SYT1: variants seen among roughly 807,000 people sequenced by gnomAD.
SYT1 encodes synaptotagmin 1.
Under a neutral mutation model 44.8 loss-of-function variants are expected in SYT1, and 8 were observed. That is an observed-to-expected ratio of 0.18 (90% CI 0.10 to 0.32). SYT1 has a LOEUF of 0.32. Ranked by LOEUF, SYT1 falls within the 10% of genes least tolerant of loss-of-function variation. SYT1 has a pLI of 1.00. For synonymous variants in SYT1, 154 were observed against 188.8 expected (o/e 0.82, Z 1.51); for missense variants, 286 against 509.3 (o/e 0.56, Z 4.22).
chr12:78,880,927 T>C (rs1031745454), intron 1 of SYT1, among the ~76,000 whole-genome samples: 13 of 151,632 alleles, frequency 8.6e-5, no homozygotes, highest in Non-Finnish European at 1.5e-4. Flanking sequence ...TCCTAACTAT[T>C]GCTAATTTGT....
chr12:78,907,905 G>A (rs1408428187), intron 1 of SYT1, among the ~76,000 whole-genome samples: 1 of 151,910 alleles, frequency 6.6e-6, no homozygotes, highest in Non-Finnish European at 1.5e-5. Flanking sequence ...ATACTTTGAA[G>A]GTAATGAGTA....
intron 4 of SYT1, among the ~76,000 whole-genome samples, chr12:79,241,770 A>T (rs1876528614): frequency 6.6e-6 from 1 of 152,246 alleles, no homozygotes. Context: ...TTCAAGTCCT[A>T]ACCCTTGGTA....
intron 3 of SYT1, among the ~76,000 whole-genome samples, chr12:79,191,537 G>A (rs1873124450): frequency 1.3e-5 from 2 of 152,184 alleles, no homozygotes; most frequent in South Asian, 4.2e-4. Flanking sequence ...GTTTTTAGTT[G>A]CTATGCAATT....
chr12:78,929,527 T>A (rs1356371999), intron 1 of SYT1, among the ~76,000 whole-genome samples: 1 of 150,448 alleles, frequency 6.6e-6, no homozygotes, highest in East Asian at 1.9e-4. Flanking sequence ...ACAATTTATG[T>A]AGTGTTTGAA....
At chr12:79,273,188 C>T (rs1201255626) in intron 4 of SYT1, among the ~76,000 whole-genome samples, 1 of 150,338 alleles carries the variant, frequency 6.7e-6, no homozygotes, top group African/African-American at 2.5e-5. Flanking sequence ...ACAATCATAG[C>T]TCATGGCAGG....
At chr12:79,020,864 C>T (rs1006521205) in intron 2 of SYT1, among the ~76,000 whole-genome samples, 1 of 151,892 alleles carries the variant, frequency 6.6e-6, no homozygotes, top group Non-Finnish European at 1.5e-5. Flanking sequence ...AAAGTAAAAA[C>T]ACAGTGTGAT....
intron 1 of SYT1, among the ~76,000 whole-genome samples, chr12:78,902,542 A>G (rs1269764272): frequency 6.6e-6 from 1 of 152,154 alleles, no homozygotes; most frequent in Non-Finnish European, 1.5e-5. Context: ...ATAATTTGTC[A>G]GTAATAACAG....
At chr12:79,294,975 T>C (rs1879808948) in intron 6 of SYT1, among the ~76,000 whole-genome samples, 1 of 152,100 alleles carries the variant, frequency 6.6e-6, no homozygotes, top group South Asian at 2.1e-4. Flanking sequence ...TTGAGCCACC[T>C]AGCCAAAATG....
chr12:79,439,955 A>G (rs143067577), intron 9 of SYT1, among the ~76,000 whole-genome samples: 538 of 152,186 alleles, frequency 3.5e-3, no homozygotes, highest in African/African-American at 0.012. Flanking sequence ...GCTGGGCACA[A>G]TGGCTCACTT....
At chr12:79,191,464 G>A (rs994116505) in intron 3 of SYT1, among the ~76,000 whole-genome samples, 2 of 152,038 alleles carry the variant, frequency 1.3e-5, no homozygotes, top group African/African-American at 4.8e-5. Context: ...AATAAAAATA[G>A]GCAAAGCCTT....
At chr12:79,027,276 T>C (rs2137654161) in intron 2 of SYT1, among the ~76,000 whole-genome samples, 1 of 151,586 alleles carries the variant, frequency 6.6e-6, no homozygotes, top group Non-Finnish European at 1.5e-5. Flanking sequence ...TAGGCTCTCC[T>C]CCCTGTCTCC....
chr12:78,927,144 T>C (rs968973525), intron 1 of SYT1, among the ~76,000 whole-genome samples: 1 of 152,144 alleles, frequency 6.6e-6, no homozygotes, highest in African/African-American at 2.4e-5. Context: ...CTCTCCATGC[T>C]GTGGCTAGGG....
chr12:79,103,520 T>C (rs1284827245), intron 3 of SYT1, among the ~76,000 whole-genome samples: 1 of 152,038 alleles, frequency 6.6e-6, no homozygotes, highest in Admixed American at 6.5e-5. Flanking sequence ...TTTAAAAAAC[T>C]GACCTGGCAG....
At chr12:79,005,504 A>G (rs1307897799) in intron 2 of SYT1, among the ~76,000 whole-genome samples, 1 of 152,074 alleles carries the variant, frequency 6.6e-6, no homozygotes, top group Non-Finnish European at 1.5e-5. Flanking sequence ...GCTGTTGTAC[A>G]TTAATCATGT....
intron 1 of SYT1, among the ~76,000 whole-genome samples, chr12:78,932,610 C>T (rs1156597772): frequency 6.6e-6 from 1 of 152,110 alleles, no homozygotes; most frequent in Non-Finnish European, 1.5e-5. Context: ...TAAATATTAA[C>T]ATCACATGGA....
At chr12:79,243,685 C>T (rs1387199418) in intron 4 of SYT1, among the ~76,000 whole-genome samples, 1 of 152,078 alleles carries the variant, frequency 6.6e-6, no homozygotes, top group Non-Finnish European at 1.5e-5. Flanking sequence ...AATTTCAAAC[C>T]TCTACTCCTT....
chr12:79,065,298 C>T (rs1010780283), intron 3 of SYT1, among the ~76,000 whole-genome samples: 1 of 152,106 alleles, frequency 6.6e-6, no homozygotes, highest in African/African-American at 2.4e-5. Flanking sequence ...GTGGGAGGGT[C>T]GCTTGAGTCC....
chr12:79,059,729 C>T (rs527778667), intron 3 of SYT1, among the ~76,000 whole-genome samples: 1 of 152,198 alleles, frequency 6.6e-6, no homozygotes, highest in South Asian at 2.1e-4. Context: ...TTATACCAGG[C>T]TACTGTTAGA....
intron 3 of SYT1, among the ~76,000 whole-genome samples, chr12:79,085,180 T>C (rs1877299231): frequency 6.6e-6 from 1 of 152,312 alleles, no homozygotes; most frequent in African/African-American, 2.4e-5. Context: ...TGAATTTATA[T>C]GCTAATGATA....
Sources: gnomAD v4.1 joint callset for allele counts (sites outside exome capture counted in the v4.1 genomes callset) on GRCh38, gnomAD v4.1.1 for gene constraint, MANE v1.5 for transcripts, NCBI Gene and HGNC (gene_info 2026-07-23, HGNC 2026-07-21) for gene names.